Variants in TEP1 observed in about 807,000 individuals in gnomAD.
TEP1 encodes telomerase protein component 1.
A neutral mutation model predicts 306.3 loss-of-function variants in TEP1; 241 were observed. The observed-to-expected ratio is 0.79, with a 90% confidence interval of 0.71 to 0.88. The LOEUF is 0.88. TEP1 is among the 40% of genes least tolerant of loss of function. The probability of loss-of-function intolerance (pLI) is 0.00; values close to 1 mark genes in which losing one functional copy is unlikely to be tolerated. For missense variants in TEP1, 3,051 were observed against 3,276.1 expected (o/e 0.93, Z 1.68); for synonymous variants, 1,289 against 1,305.5 (o/e 0.99, Z 0.27).
rs141820005 is a variant in TEP1, at chr14:20,372,912, C to T, written c.6952-55G>A. On this transcript the variant is annotated intron_variant, in intron 48 of 54. Transcript: ENST00000262715. ...CTTCTGATGAGCCAGGATGCACCAT[C>T]TTTTCCCTCCCAGGCACATATGCAA... 7.9e-5 allele frequency: 128 copies of T among 1,613,432 alleles called. No individual in the cohort carries two copies. The African/African-American group carries it at 1.4e-3, about 18-fold the overall frequency.
chr14:20,368,799 A>G lies in TEP1; in HGVS notation c.7760T>C (p.Leu2587Pro). 1 of 1,505,980 alleles carries G rather than the reference A, an allele frequency of 6.6e-7. No individual in the cohort carries two copies. The allele number at this position is 1,505,980 out of a possible 1,614,324, so 93.3% of individuals were successfully genotyped here. A position where few individuals can be genotyped will look rare whatever the true frequency, so the allele number is the denominator to read the frequency against. ...ACACACACACACACACACACTTACC[A>G]GCTGCATACTGGGTCTCTCCCATAG... ...VKLWERPSMQ[L>P]LGLFRCEGSV... is the part of the protein sequence containing the mutation. The change falls in exon 54 of 55, where the codon CTG becomes CCG. Residue 2587 changes from leucine to proline, a missense_variant and splice_region_variant. Leu to Pro is a moderately conservative substitution (Grantham distance 98). Transcript: ENST00000262715.
intron 36 of TEP1, 38 bp downstream of exon 36, chr14:20,378,943 A>G: frequency 1.2e-6 from 2 of 1,613,988 alleles, no homozygotes; most frequent in Non-Finnish European, 1.7e-6. Flanking sequence ...AAAATGGGGA[A>G]GGCCCTCATT....
At chr14:20,372,687 G>A in intron 49 of TEP1, 46 bp downstream of exon 49, 1 of 1,612,892 alleles carries the variant, frequency 6.2e-7, no homozygotes, top group Non-Finnish European at 8.5e-7. Context: ...TGCCAGGAGT[G>A]AGGAGACTGC....
rs1876985389 is a variant in TEP1, at chr14:20,384,867, C to T, written c.3107+118G>A. 3.3e-6 allele frequency: 5 copies of T among 1,536,466 alleles called. No homozygotes were observed. In the Admixed American group the frequency reaches 5.7e-5, roughly 18 times the overall value. ...GCTGACGTGGGGCTGCAAAGGCATG[C>T]TGAGTCCTGTTTCTGCCTCATAGCA... On this transcript the variant is annotated intron_variant, in intron 21 of 54. Transcript: ENST00000262715.
rs1249517834 is a variant in TEP1, at chr14:20,381,905, A to G, written c.4424+8T>C. ...AGGTCAGCGGGAGCTCTGCTGGGGC[A>G]CCTGTACCTGCGCAGACTCTGGACG... On this transcript the variant is annotated splice_region_variant and intron_variant, in intron 30 of 54. Transcript: ENST00000262715. The surrounding 1 kb of genome is among the most constrained non-coding windows in gnomAD (Gnocchi z 4.0). 2 of 1,613,606 alleles carry G rather than the reference A, an allele frequency of 1.2e-6. No homozygotes were observed. Among genetic ancestry groups the G allele is most frequent in the South Asian group, 2.2e-5 (2 of 91,050 alleles).
Position 20,373,599 on chromosome 14 carries a change from G to A in TEP1, c.6605-16C>T. Reference sequence around the variant, plus strand: ...GGCTGTCCAGCTGATAAGACACAGAGACTGAGTCAGAAGAAGGGACGGAGC... The same window carrying A: ...GGCTGTCCAGCTGATAAGACACAGAAACTGAGTCAGAAGAAGGGACGGAGC... On this transcript the variant is annotated splice_polypyrimidine_tract_variant and intron_variant, in intron 45 of 54. Transcript: ENST00000262715. The A allele has an allele frequency of 6.2e-7, 1 of 1,614,208 alleles. No individual in the cohort carries two copies.
chr14:20,382,520 G>C, intron 28 of TEP1, 103 bp downstream of exon 28: 1 of 1,536,150 alleles, frequency 6.5e-7, no homozygotes, highest in African/African-American at 1.4e-5. Flanking sequence ...ATAGGGAGTG[G>C]GTGATCACAA....
intron 44 of TEP1, among the ~76,000 whole-genome samples, chr14:20,374,172 C>A (rs944977400): frequency 6.6e-6 from 1 of 151,744 alleles, no homozygotes; most frequent in African/African-American, 2.4e-5. Context: ...CTCACTGTAG[C>A]CTTGAAATCC....
chr14:20,391,118 G>A, intron 13 of TEP1, 22 bp from the exon 14 acceptor site: 2 of 1,611,494 alleles, frequency 1.2e-6, no homozygotes, highest in Non-Finnish European at 1.7e-6. Flanking sequence ...AGTGTCAGGG[G>A]AAATAAAGCT....
chr14:20,371,928 T>C (rs1201654481), intron 49 of TEP1, among the ~76,000 whole-genome samples: 1 of 152,256 alleles, frequency 6.6e-6, no homozygotes, highest in African/African-American at 2.4e-5. Flanking sequence ...GTATCTCCCC[T>C]TCTCATCTCC....
In TEP1 at chr14:20,401,486, G is replaced by A; in HGVS notation, c.1362C>T (p.Ala454=). 1 of 1,614,182 alleles carries A rather than the reference G, an allele frequency of 6.2e-7. No homozygotes were observed. The highest frequency in any genetic ancestry group is 8.5e-7 in the Non-Finnish European group (1 of 1,180,034). The stretch of plus-strand genomic sequence containing the variant: ...AACCCAGCAGGGCTTGAACGTGCTG[G>A]GCAGGCTTGTGGATGTGCAGTCGCT... The part of the protein sequence containing the change: ...LVQRLHIHKP[A]QHVQALLGYR... The change falls in exon 8 of 55, where the codon GCC becomes GCT. Residue 454 remains alanine, a synonymous_variant. Transcript: ENST00000262715.
At chr14:20,391,908 ATTT>A in intron 12 of TEP1, 141 bp from the exon 13 acceptor site, 1 of 844,652 alleles carries the variant, frequency 1.2e-6, no homozygotes, top group South Asian at 1.7e-5. Flanking sequence ...AGCCCACTCC[ATTT>A]CTGGTGTAGA....
chr14:20,412,152 G>A (rs140582756), intron 1 of TEP1, among the ~76,000 whole-genome samples: 23 of 152,226 alleles, frequency 1.5e-4, no homozygotes, highest in African/African-American at 5.3e-4. Context: ...CTCACTGGAC[G>A]TCAGTGTGAC....
rs116606143 is a variant in TEP1 at position 20,405,310 on chromosome 14, C to T, written c.870+141G>A. 5,572 of 1,157,228 alleles carry T rather than the reference C, an allele frequency of 4.8e-3. 157 individuals are homozygous for T. In the African/African-American group the frequency reaches 0.069, roughly 14 times the overall value. 71.7% of individuals were successfully genotyped at this position (1,157,228 alleles called of 1,614,324 possible). A position where few individuals can be genotyped will look rare whatever the true frequency, so the allele number is the denominator to read the frequency against. On this transcript the variant is annotated intron_variant, in intron 4 of 54. Transcript: ENST00000262715. ...CTTCACTGAACCACAGGGACTAGGC[C>T]GCAGACTCACCCAGAAATCCTTCCT...
At chr14:20,376,423 T>C (rs1276146803) in intron 41 of TEP1, among the ~76,000 whole-genome samples, 159 bp from the exon 42 acceptor site, 1 of 152,174 alleles carries the variant, frequency 6.6e-6, no homozygotes, top group African/African-American at 2.4e-5. Context: ...GGAGAGGCCC[T>C]GGGCAAGGGT....
In TEP1 at chr14:20,371,651, T is replaced by C. The variant is rs374857354; in HGVS notation, c.7077-19A>G. The stretch of plus-strand genomic sequence containing the variant: ...GTGAAGACTAGCTCAAAAAAGTACA[T>C]GGACAGAGAAAGATCCTATTTTAGT... On this transcript the variant is annotated intron_variant, in intron 49 of 54. Transcript: ENST00000262715. 35 of 1,555,106 alleles carry C rather than the reference T, an allele frequency of 2.3e-5. No homozygotes were observed. The African/African-American group carries it at 4.7e-4, about 21-fold the overall frequency.
At chr14:20,407,438 T>G (rs1321062519) in intron 2 of TEP1, among the ~76,000 whole-genome samples, 1 of 152,202 alleles carries the variant, frequency 6.6e-6, no homozygotes, top group East Asian at 1.9e-4. Flanking sequence ...GCCTCCCGGT[T>G]TAAGCAATTC....
At position 20,386,084 on chromosome 14, in the gene TEP1, G is replaced by C. The variant is rs1877117460; in HGVS notation, c.2973C>G (p.His991Gln). 1 of 1,609,800 alleles carries C rather than the reference G, an allele frequency of 6.2e-7. No individual in the cohort carries two copies. The highest frequency in any genetic ancestry group is 1.3e-5 in the African/African-American group (1 of 74,678). ...PPSYNLPDHP[H>Q]FHWAQQYPSG... ...AACCTGTCTGCCTTACCCAGTGGAA[G>C]TGTGGATGGTCAGGAAGGTTGTAGC... Residue 991 changes from histidine (H) to glutamine (Q), a missense_variant, in exon 20 of 55, where the codon CAC becomes CAG. By Grantham distance (24) the His-to-Gln change is conservative. This residue lies in a region of TEP1 where 1,507 missense variants were observed against 1,550.5 expected (regional missense o/e 0.97). Transcript: ENST00000262715.
chr14:20,412,035 A>C (rs1325750246), intron 1 of TEP1, among the ~76,000 whole-genome samples: 1 of 152,218 alleles, frequency 6.6e-6, no homozygotes, highest in Non-Finnish European at 1.5e-5. Flanking sequence ...AATATTGTTA[A>C]GTCAACCACC....
Sources: allele counts gnomAD v4.1 joint callset (sites outside exome capture counted in the v4.1 genomes callset), GRCh38; gene constraint gnomAD v4.1.1; regional missense constraint gnomAD v4.1.1; non-coding constraint Gnocchi (gnomAD v3.1); transcripts MANE v1.5; gene names NCBI Gene and HGNC (gene_info 2026-07-23, HGNC 2026-07-21).